ZNF536: variants seen among roughly 807,000 people sequenced by gnomAD.
ZNF536 encodes the protein zinc finger protein 536.
Under a neutral mutation model 84.5 loss-of-function variants are expected in ZNF536, and 13 were observed. The ratio of observed to expected loss-of-function variants is 0.15; its 90% CI spans 0.10 to 0.24. The LOEUF (loss-of-function observed/expected upper bound fraction) is 0.24. ZNF536 is among the 10% of genes least tolerant of loss of function. The probability of loss-of-function intolerance (pLI) is 1.00; values close to 1 mark genes in which losing one functional copy is unlikely to be tolerated. For synonymous variants in ZNF536, 811 were observed against 742.5 expected (o/e 1.09, Z -1.50); for missense variants, 1,536 against 1,747.5 (o/e 0.88, Z 2.16).
chr19:30,286,455 T>C (rs1039397599), intron 2 of ZNF536, among the ~76,000 whole-genome samples: 27 of 150,052 alleles, frequency 1.8e-4, no homozygotes, highest in Middle Eastern at 3.4e-3. Context: ...GGCTAGAGGG[T>C]GGGGGAGCAA....
chr19:30,606,546 T>A (rs541019089), intron 1 of ZNF536, among the ~76,000 whole-genome samples: 1 of 152,268 alleles, frequency 6.6e-6, no homozygotes, highest in African/African-American at 2.4e-5. Context: ...TATTCCACCG[T>A]TGGGAGGCCA....
chr19:30,384,126 T>C (rs1425184834), intron 1 of ZNF536, among the ~76,000 whole-genome samples: 4 of 59,718 alleles, frequency 6.7e-5, no homozygotes, highest in African/African-American at 2.6e-4. Context: ...CTTTCTTTCT[T>C]TCTTTCTTTC....
At chr19:30,489,331 A>T (rs2054417688) in intron 2 of ZNF536, among the ~76,000 whole-genome samples, 1 of 152,196 alleles carries the variant, frequency 6.6e-6, no homozygotes, top group South Asian at 2.1e-4. Context: ...TGCAGTCCCA[A>T]CACTTTGGGA....
intron 1 of ZNF536, among the ~76,000 whole-genome samples, chr19:30,670,822 G>T (rs2050521686): frequency 6.6e-6 from 1 of 152,206 alleles, no homozygotes; most frequent in Admixed American, 6.5e-5. Flanking sequence ...CTGGCTCTCT[G>T]CTGTATCCCT....
At chr19:30,424,583 A>T (rs548410967) in intron 1 of ZNF536, among the ~76,000 whole-genome samples, 1 of 152,220 alleles carries the variant, frequency 6.6e-6, no homozygotes, top group East Asian at 1.9e-4. Flanking sequence ...AGATCAGAGA[A>T]GTTACCCAAG....
chr19:30,264,966 T>TGTGTGAGA (rs59889852), intron 1 of ZNF536, among the ~76,000 whole-genome samples: 18,448 of 133,414 alleles, frequency 0.14, 1,625 homozygotes, highest in East Asian at 0.38. Flanking sequence ...TGTGTGTGTG[T>TGTGTGAGA]GAGAGAGAGA....
intron 1 of ZNF536, among the ~76,000 whole-genome samples, chr19:30,232,899 C>T (rs1207075891): frequency 6.6e-6 from 1 of 152,226 alleles, no homozygotes; most frequent in Non-Finnish European, 1.5e-5. Context: ...TGTCTCCAGA[C>T]ATTTCTATAT....
chr19:30,246,701 A>T (rs2024299216), intron 1 of ZNF536, among the ~76,000 whole-genome samples: 2 of 152,208 alleles, frequency 1.3e-5, no homozygotes, highest in African/African-American at 2.4e-5. Flanking sequence ...AAATATTTAG[A>T]ATGATCTCCT....
chr19:30,496,169 T>C (rs1284517813), intron 2 of ZNF536, among the ~76,000 whole-genome samples: 1 of 152,168 alleles, frequency 6.6e-6, no homozygotes, highest in Non-Finnish European at 1.5e-5. Flanking sequence ...CCTGGCTCTC[T>C]GTCCCCATAC....
At chr19:30,354,458 C>T (rs545841215) in intron 3 of ZNF536, among the ~76,000 whole-genome samples, 1 of 152,288 alleles carries the variant, frequency 6.6e-6, no homozygotes, top group African/African-American at 2.4e-5. Flanking sequence ...GCCTTGACCT[C>T]CTGGGCTCAA....
At chr19:30,247,033 G>A (rs79290227) in intron 1 of ZNF536, among the ~76,000 whole-genome samples, 3,858 of 152,304 alleles carry the variant, frequency 0.025, 141 homozygotes, top group African/African-American at 0.088. Context: ...CACGTCCCCT[G>A]GGTTCTTCCA....
chr19:30,365,646 C>T (rs2048404786), intron 3 of ZNF536, among the ~76,000 whole-genome samples: 8 of 152,198 alleles, frequency 5.3e-5, no homozygotes, highest in Admixed American at 5.2e-4. Flanking sequence ...GTAACCTTCC[C>T]AGGCACTCCC....
At chr19:30,232,951 G>A (rs527988218) in intron 1 of ZNF536, among the ~76,000 whole-genome samples, 10 of 152,278 alleles carry the variant, frequency 6.6e-5, no homozygotes, top group South Asian at 2.1e-4. Context: ...CACTTTATGC[G>A]CTGGGCCTTG....
At chr19:30,494,912 C>G (rs2054654360) in intron 2 of ZNF536, among the ~76,000 whole-genome samples, 1 of 146,054 alleles carries the variant, frequency 6.8e-6, no homozygotes, top group African/African-American at 2.6e-5. Context: ...TACCACTACA[C>G]TCCAGCCTGG....
intron 1 of ZNF536, among the ~76,000 whole-genome samples, chr19:30,281,492 C>T (rs1179914692): frequency 2.1e-5 from 3 of 144,768 alleles, no homozygotes; most frequent in East Asian, 2.0e-4. Context: ...GTCCTGGCAA[C>T]CGGGACCTTC....
intron 1 of ZNF536, among the ~76,000 whole-genome samples, chr19:30,279,808 A>G (rs1351957754): frequency 1.3e-5 from 2 of 152,118 alleles, no homozygotes; most frequent in African/African-American, 4.8e-5. Context: ...TCCCCTCTGG[A>G]GCTCTAAACC....
intron 2 of ZNF536, among the ~76,000 whole-genome samples, chr19:30,523,733 G>T (rs2044461364): frequency 6.6e-6 from 1 of 151,840 alleles, no homozygotes; most frequent in Non-Finnish European, 1.5e-5. Context: ...CCCTTCCCCT[G>T]TGCTGGGCTG....
intron 3 of ZNF536, among the ~76,000 whole-genome samples, chr19:30,539,136 CACGCACACAGGAGA>C (rs2045217958): frequency 1.3e-5 from 2 of 151,894 alleles, no homozygotes; most frequent in Admixed American, 1.3e-4. Context: ...CACACACACA[CACGCACACAGGAGA>C]TTTATAAGAA....
intron 1 of ZNF536, among the ~76,000 whole-genome samples, chr19:30,244,095 A>G (rs1172954542): frequency 6.6e-6 from 1 of 152,178 alleles, no homozygotes; most frequent in Non-Finnish European, 1.5e-5. Context: ...AAGAATCTAC[A>G]GTTTCTGATT....
Sources: allele counts gnomAD v4.1 joint callset (sites outside exome capture counted in the v4.1 genomes callset), GRCh38; gene constraint gnomAD v4.1.1; transcripts MANE v1.5; gene names NCBI Gene and HGNC (gene_info 2026-07-23, HGNC 2026-07-21).